The following NPAS3 variants were observed in gnomAD, a reference collection of about 807,000 sequenced individuals.
The protein encoded by NPAS3 is neuronal PAS domain-containing protein 3.
Under a neutral mutation model 73.1 loss-of-function variants are expected in NPAS3, and 14 were observed. The observed-to-expected ratio is 0.19, with a 90% CI of 0.13 to 0.30. The LOEUF (loss-of-function observed/expected upper bound fraction) is 0.30, where lower values mean the gene tolerates loss of function less well. Ranked by LOEUF, NPAS3 falls within the 10% of genes least tolerant of loss-of-function variation. The pLI is 1.00. For synonymous variants in NPAS3, 620 were observed against 541.5 expected (o/e 1.14, Z -2.01); for missense variants, 1,096 against 1,250.0 (o/e 0.88, Z 1.86).
intron 5 of NPAS3, chr14:33,612,446 A>G: frequency 2.2e-6 from 1 of 456,048 alleles, no homozygotes; most frequent in Non-Finnish European, 4.4e-6. Flanking sequence ...ATCGACGTCC[A>G]AGCAGATGTT....
At chr14:33,627,210 C>T (rs908667034) in intron 5 of NPAS3, among the ~76,000 whole-genome samples, 1 of 152,100 alleles carries the variant, frequency 6.6e-6, no homozygotes, top group Non-Finnish European at 1.5e-5. Context: ...GGAAACGGAA[C>T]TAAGATAACA....
chr14:33,317,429 A>G (rs1451299187), intron 3 of NPAS3, among the ~76,000 whole-genome samples: 2 of 152,080 alleles, frequency 1.3e-5, no homozygotes, highest in Non-Finnish European at 2.9e-5. Flanking sequence ...CAACCAGTGA[A>G]TGGAAGGGCT....
intron 1 of NPAS3, among the ~76,000 whole-genome samples, chr14:33,048,279 C>G (rs1243819235): frequency 6.6e-6 from 1 of 152,226 alleles, no homozygotes; most frequent in Non-Finnish European, 1.5e-5. Context: ...CCTAACCTAA[C>G]ATGTATACAC....
intron 6 of NPAS3, among the ~76,000 whole-genome samples, chr14:33,702,976 T>TA (rs1315416951): frequency 6.6e-6 from 1 of 152,196 alleles, no homozygotes; most frequent in African/African-American, 2.4e-5. Flanking sequence ...TATGTATATA[T>TA]ATCAAACTTT....
intron 2 of NPAS3, among the ~76,000 whole-genome samples, chr14:33,184,663 G>T (rs986623319): frequency 6.6e-6 from 1 of 152,162 alleles, no homozygotes; most frequent in African/African-American, 2.4e-5. Flanking sequence ...CAGATGGAAA[G>T]AAATTGGGTT....
chr14:33,250,838 T>C (rs549404751), intron 3 of NPAS3, among the ~76,000 whole-genome samples: 1 of 152,256 alleles, frequency 6.6e-6, no homozygotes, highest in South Asian at 2.1e-4. Flanking sequence ...CAAAAATTCA[T>C]GTGCATACTT....
rs143477112 is a variant in NPAS3, at chr14:33,537,228, G to T, written c.469-22893G>T. 1.3e-4 allele frequency among the ~76,000 whole-genome samples: 20 copies of T among 152,290 alleles called. 1 individual carries two copies. The East Asian group carries it at 3.9e-3, about 29-fold the overall frequency. Reference sequence around the variant, plus strand: ...TAAGATCAATAAATGAGTAGATTTTGCCTACATTAATACTTCTGCTCTATT... The same window carrying T: ...TAAGATCAATAAATGAGTAGATTTTTCCTACATTAATACTTCTGCTCTATT... On this transcript the variant is annotated intron_variant, in intron 4 of 11. Transcript: ENST00000356141.
intron 1 of NPAS3, among the ~76,000 whole-genome samples, chr14:33,046,488 C>G (rs2040510539): frequency 1.3e-5 from 2 of 152,120 alleles, no homozygotes; most frequent in African/African-American, 4.8e-5. Flanking sequence ...AAGAGGTAAC[C>G]TACCTGAACT....
chr14:33,563,547 G>T lies in NPAS3; in HGVS notation c.558+3337G>T, dbSNP rs74785666. Among the ~76,000 whole-genome samples the T allele has an allele frequency of 8.2e-3, 359 of 43,998 alleles. 3 individuals carry two copies. The highest frequency in any genetic ancestry group is 0.032 in the African/African-American group (340 of 10,678). The allele number at this position is 43,998 out of a possible 152,430, so 28.9% of individuals were successfully genotyped here. Reference sequence around the variant, plus strand: ...ACACACACACACACACAGAGAGAGAGAGAGAGAGAGAGAGAGAGGAGAGAT... The same window carrying T: ...ACACACACACACACACAGAGAGAGATAGAGAGAGAGAGAGAGAGGAGAGAT... On this transcript the variant is annotated intron_variant, in intron 5 of 11. Transcript: ENST00000356141.
At chr14:33,658,332 C>T (rs1270849377) in intron 5 of NPAS3, among the ~76,000 whole-genome samples, 1 of 152,208 alleles carries the variant, frequency 6.6e-6, no homozygotes, top group African/African-American at 2.4e-5. Flanking sequence ...CCCAGGCTAA[C>T]ATTTAAGCCA....
At chr14:33,572,160 C>A (rs187954596) in intron 5 of NPAS3, among the ~76,000 whole-genome samples, 171 of 152,160 alleles carry the variant, frequency 1.1e-3, no homozygotes, top group African/African-American at 3.8e-3. Flanking sequence ...ATATAAAATT[C>A]TAAACAATTC....
intron 5 of NPAS3, among the ~76,000 whole-genome samples, chr14:33,589,537 C>T (rs1276807492): frequency 1.3e-5 from 2 of 152,188 alleles, no homozygotes; most frequent in Non-Finnish European, 2.9e-5. Context: ...GCCCTGATTA[C>T]ATTTTGTGTG....
intron 6 of NPAS3, among the ~76,000 whole-genome samples, chr14:33,706,101 AC>A (rs776898891): frequency 2.6e-5 from 4 of 152,206 alleles, no homozygotes; most frequent in Non-Finnish European, 5.9e-5. Flanking sequence ...TGACATTAGC[AC>A]CATGGTTGGG....
intron 2 of NPAS3, among the ~76,000 whole-genome samples, chr14:33,203,767 A>G (rs4340220): frequency 0.95 from 144,955 of 152,282 alleles, 69,176 homozygotes; most frequent in Non-Finnish European, 0.98. Context: ...ATTGTGAATA[A>G]TGCCGCAATA....
At chr14:33,117,939 C>T (rs2043118713) in intron 2 of NPAS3, among the ~76,000 whole-genome samples, 1 of 152,032 alleles carries the variant, frequency 6.6e-6, no homozygotes, top group African/African-American at 2.4e-5. Context: ...TCTCTCACTA[C>T]AATTTAGGCA....
chr14:33,594,179 G>A (rs768620185), intron 5 of NPAS3, among the ~76,000 whole-genome samples: 1 of 152,176 alleles, frequency 6.6e-6, no homozygotes, highest in Non-Finnish European at 1.5e-5. Context: ...AAATAGCACA[G>A]TATTTGTATA....
At chr14:33,801,261 C>A, downstream of NPAS3, 2 of 1,403,734 alleles carry the variant, frequency 1.4e-6, no homozygotes, top group South Asian at 1.4e-5. Context: ...CTTTCTTTCA[C>A]CTGACTTATT....
At chr14:33,244,526 CAT>C (rs1241619668) in intron 3 of NPAS3, among the ~76,000 whole-genome samples, 2 of 148,210 alleles carry the variant, frequency 1.3e-5, no homozygotes, top group Non-Finnish European at 3.0e-5. Flanking sequence ...AAAAAAAAAA[CAT>C]ATTTATCTGC....
chr14:33,788,338 A>G (rs758808046), intron 9 of NPAS3, among the ~76,000 whole-genome samples: 15 of 152,216 alleles, frequency 9.9e-5, no homozygotes, highest in Non-Finnish European at 2.1e-4. Context: ...CATGACGATA[A>G]TGAAGCTCTT....
Sources: gnomAD v4.1 joint callset for allele counts (sites outside exome capture counted in the v4.1 genomes callset) on GRCh38, gnomAD v4.1.1 for gene constraint, MANE v1.5 for transcripts, NCBI Gene and HGNC (gene_info 2026-07-23, HGNC 2026-07-21) for gene names.